The following EYA4 variants were observed in gnomAD, a reference collection of about 807,000 sequenced individuals.
EYA4 encodes EYA transcriptional coactivator and phosphatase 4.
EYA4 carries 31 observed loss-of-function variants against 87.9 expected under a neutral mutation model. That is an observed-to-expected ratio of 0.35 (90% CI 0.27 to 0.48). The LOEUF is 0.48. Among genes scored for constraint, EYA4 ranks in the 20% least tolerant of loss-of-function variants. The probability of loss-of-function intolerance (pLI) is 0.99; values close to 1 mark genes in which losing one functional copy is unlikely to be tolerated. For missense variants in EYA4, 678 were observed against 761.4 expected (o/e 0.89, Z 1.29); for synonymous variants, 263 against 270.6 (o/e 0.97, Z 0.28).
intron 2 of EYA4, among the ~76,000 whole-genome samples, chr6:133,331,772 A>C (rs1781981399): frequency 6.6e-6 from 1 of 152,238 alleles, no homozygotes; most frequent in South Asian, 2.1e-4. Context: ...TTGATTTTAA[A>C]AATATTTCAA....
chr6:133,434,711 C>T (rs917883488), intron 3 of EYA4, among the ~76,000 whole-genome samples: 4 of 152,104 alleles, frequency 2.6e-5, no homozygotes, highest in Non-Finnish European at 5.9e-5. Context: ...TAATAGGTTA[C>T]CACCTTTTTT....
intron 1 of EYA4, among the ~76,000 whole-genome samples, chr6:133,244,219 T>A (rs932311782): frequency 1.3e-5 from 2 of 152,224 alleles, no homozygotes; most frequent in Non-Finnish European, 2.9e-5. Flanking sequence ...TGTTTCAATA[T>A]TTAAAGACCA....
intron 18 of EYA4, among the ~76,000 whole-genome samples, chr6:133,524,809 A>G (rs1800485579): frequency 6.6e-6 from 1 of 152,174 alleles, no homozygotes; most frequent in Non-Finnish European, 1.5e-5. Flanking sequence ...GCTTATCCCT[A>G]CTGATGTTTT....
intron 1 of EYA4, among the ~76,000 whole-genome samples, chr6:133,243,604 T>C (rs1361001310): frequency 6.6e-6 from 1 of 151,988 alleles, no homozygotes; most frequent in Admixed American, 6.6e-5. Context: ...GAAGGGATTG[T>C]ACTTGAATTC....
rs145724851 is a variant in EYA4, at chr6:133,382,403, G to A, written c.45G>A (p.Thr15=). 2.5e-5 allele frequency: 41 copies of A among 1,609,350 alleles called. No homozygotes were observed. Among genetic ancestry groups the A allele is most frequent in the Middle Eastern group, 3.3e-4 (2 of 6,072 alleles). The change falls in exon 3 of 20, where the codon ACG becomes ACA. Residue 15 remains threonine, a synonymous_variant. Transcript: ENST00000355286. Reference sequence around the variant, plus strand: ...CTCTTTTCTTACAGGTAAAGAAAACGTGCACAGAATCAGATGTTTCACAAT... The same window carrying A: ...CTCTTTTCTTACAGGTAAAGAAAACATGCACAGAATCAGATGTTTCACAAT... ...QDLNEQSVKK[T]CTESDVSQSQ... is the part of the protein sequence containing the mutation.
chr6:133,450,072 G>A (rs867513305), intron 5 of EYA4, among the ~76,000 whole-genome samples: 2 of 151,490 alleles, frequency 1.3e-5, no homozygotes, highest in Non-Finnish European at 2.9e-5. Context: ...TGCAAGCTCC[G>A]CCTCCCGGGT....
rs762809193 is a variant in EYA4 at position 133,279,710 on chromosome 6, G to A, written c.33+4897G>A. Among the ~76,000 whole-genome samples, 17 of 151,826 alleles carry A rather than the reference G, an allele frequency of 1.1e-4. No individual in the cohort carries two copies. The Middle Eastern group carries it at 0.014, about 122-fold the overall frequency. ...CTTAGAGTACTCATGACTTTGATTA[G>A]TCCTCAGATCTTTGTTCCTAGAGAT... On this transcript the variant is annotated intron_variant, in intron 2 of 19. Coordinates refer to ENST00000355286, the MANE Select transcript of EYA4 (RefSeq NM_004100.5).
chr6:133,366,760 G>T (rs1328422402), intron 2 of EYA4, among the ~76,000 whole-genome samples: 1 of 152,208 alleles, frequency 6.6e-6, no homozygotes, highest in East Asian at 1.9e-4. Flanking sequence ...CACATCAGTA[G>T]CCTGGCTAAG....
chr6:133,307,766 C>T (rs1779916826), intron 2 of EYA4, among the ~76,000 whole-genome samples: 1 of 152,072 alleles, frequency 6.6e-6, no homozygotes, highest in South Asian at 2.1e-4. Context: ...ATTTATAATT[C>T]CCATTTTACC....
rs138367231 is a variant in EYA4, at chr6:133,476,922, G to A, written c.971-4541G>A. 1.7e-4 allele frequency among the ~76,000 whole-genome samples: 26 copies of A among 152,176 alleles called. No individual in the cohort carries two copies. The East Asian group carries it at 4.4e-3, about 26-fold the overall frequency. ...CCATGTGTCAAGGGAGAGACCAGGT[G>A]GAGGTAATTGAATCAGGGGGGCAGT... On this transcript the variant is annotated intron_variant, in intron 11 of 19. Coordinates refer to ENST00000355286, the MANE Select transcript of EYA4 (RefSeq NM_004100.5).
intron 1 of EYA4, among the ~76,000 whole-genome samples, chr6:133,244,869 G>A (rs1253908674): frequency 6.6e-6 from 1 of 151,992 alleles, no homozygotes; most frequent in Non-Finnish European, 1.5e-5. Context: ...TTTTTAGAAA[G>A]ATAGAATGAC....
chr6:133,435,685 GC>G (rs1791592579), intron 3 of EYA4: 1 of 152,206 alleles, frequency 6.6e-6, no homozygotes, highest in South Asian at 2.1e-4. Context: ...GTTTTTAAAT[GC>G]CCGTACTTTT....
At chr6:133,272,095 T>G (rs1776741269) in intron 1 of EYA4, among the ~76,000 whole-genome samples, 1 of 152,176 alleles carries the variant, frequency 6.6e-6, no homozygotes, top group African/African-American at 2.4e-5. Context: ...CACAACGAGG[T>G]GCACTGCTCA....
intron 2 of EYA4, among the ~76,000 whole-genome samples, chr6:133,289,668 C>A (rs1778331484): frequency 6.6e-6 from 1 of 152,116 alleles, no homozygotes; most frequent in African/African-American, 2.4e-5. Context: ...AGCCTATGTT[C>A]ATAAATATGA....
intron 13 of EYA4, among the ~76,000 whole-genome samples, chr6:133,499,291 C>T (rs953668360): frequency 2.6e-5 from 4 of 152,140 alleles, no homozygotes; most frequent in African/African-American, 9.7e-5. Flanking sequence ...TGAGGAGCCT[C>T]GTGAGGTGTG....
intron 2 of EYA4, among the ~76,000 whole-genome samples, chr6:133,296,670 G>A (rs748617409): frequency 3.9e-5 from 6 of 152,132 alleles, no homozygotes; most frequent in Non-Finnish European, 5.9e-5. Flanking sequence ...AAAAAAAAGA[G>A]TTCAGTTTTT....
chr6:133,465,450 C>T (rs1794763131), intron 10 of EYA4, among the ~76,000 whole-genome samples: 1 of 152,106 alleles, frequency 6.6e-6, no homozygotes, highest in Non-Finnish European at 1.5e-5. Context: ...CTCTGGTAGT[C>T]TTTAGTCCTC....
chr6:133,259,673 A>G (rs925605175), intron 1 of EYA4, among the ~76,000 whole-genome samples: 3 of 152,212 alleles, frequency 2.0e-5, no homozygotes, highest in African/African-American at 7.2e-5. Context: ...ATTAGTATTC[A>G]CTATAGACAC....
At chr6:133,265,438 C>T (rs1776140658) in intron 1 of EYA4, among the ~76,000 whole-genome samples, 1 of 152,056 alleles carries the variant, frequency 6.6e-6, no homozygotes, top group African/African-American at 2.4e-5. Flanking sequence ...ATTCCTTAAT[C>T]TTATATCTTT....
Sources: gnomAD v4.1 joint callset for allele counts (sites outside exome capture counted in the v4.1 genomes callset) on GRCh38, gnomAD v4.1.1 for gene constraint, MANE v1.5 for transcripts, NCBI Gene and HGNC (gene_info 2026-07-23, HGNC 2026-07-21) for gene names.